LEPR: variants seen among roughly 807,000 people sequenced by gnomAD.
LEPR encodes the protein OB receptor.
In LEPR, 56 loss-of-function variants were observed where a neutral mutation model predicts 114.7. The ratio of observed to expected loss-of-function variants is 0.49; its 90% CI spans 0.39 to 0.61. The LOEUF (loss-of-function observed/expected upper bound fraction) is 0.61, where lower values mean the gene tolerates loss of function less well. Among genes scored for constraint, LEPR ranks in the 20% least tolerant of loss-of-function variants. LEPR has a pLI of 0.00. For missense variants in LEPR, 1,202 were observed against 1,352.9 expected, an observed-to-expected ratio of 0.89 and a Z score of 1.75; for synonymous variants, 443 against 461.4, an observed-to-expected ratio of 0.96 and a Z score of 0.51.
At chr1:65,455,400 C>T (rs1432908333) in intron 2 of LEPR, among the ~76,000 whole-genome samples, 2 of 152,182 alleles carry the variant, frequency 1.3e-5, no homozygotes, top group Non-Finnish European at 2.9e-5. Flanking sequence ...TGTTTTTCCC[C>T]ATCTTTGTGG....
At chr1:65,446,016 CACT>C (rs1200752087) in intron 2 of LEPR, among the ~76,000 whole-genome samples, 3 of 151,986 alleles carry the variant, frequency 2.0e-5, no homozygotes, top group Admixed American at 6.6e-5. Flanking sequence ...TGTGAGATAC[CACT>C]AAGTCAAATG....
chr1:65,464,466 G>A (rs1646984738), intron 2 of LEPR, among the ~76,000 whole-genome samples: 1 of 152,126 alleles, frequency 6.6e-6, no homozygotes, highest in South Asian at 2.1e-4. Context: ...TGTTCATGAG[G>A]GATATTGGCC....
intron 2 of LEPR, among the ~76,000 whole-genome samples, chr1:65,487,139 C>A (rs987280270): frequency 1.3e-5 from 2 of 152,152 alleles, no homozygotes; most frequent in Non-Finnish European, 2.9e-5. Context: ...GGAAAGTTTG[C>A]TCATTCACCC....
At chr1:65,539,233 AT>A (rs1221078659) in intron 2 of LEPR, among the ~76,000 whole-genome samples, 1 of 142,616 alleles carries the variant, frequency 7.0e-6, no homozygotes, top group Non-Finnish European at 1.5e-5. Context: ...GCCAATACTC[AT>A]TAAAGATTTG....
rs568299397 is a variant in LEPR at position 65,604,688 on chromosome 1, G to T, written c.1404-350G>T. ...ACCGGTACCTGTCTGTGGCCTCTTAGGAACCCGGCCACAAAGCGGGAGGTG... is the reference window on the plus strand; with the variant it reads ...ACCGGTACCTGTCTGTGGCCTCTTATGAACCCGGCCACAAAGCGGGAGGTG... On this transcript the variant is annotated intron_variant, in intron 10 of 19. Transcript: ENST00000349533. Among the ~76,000 whole-genome samples the T allele has an allele frequency of 3.2e-3, 482 of 152,338 alleles. 2 individuals are homozygous for T. Among genetic ancestry groups the T allele is most frequent in the African/African-American group, 0.011 (460 of 41,574 alleles).
At chr1:65,629,996 C>A (rs1047391558) in intron 19 of LEPR, among the ~76,000 whole-genome samples, 26 of 152,148 alleles carry the variant, frequency 1.7e-4, no homozygotes, top group African/African-American at 6.0e-4. Flanking sequence ...CGATAAGTCT[C>A]CATCTCTCCA....
chr1:65,595,471 AAC>A (rs1217549236), intron 6 of LEPR, among the ~76,000 whole-genome samples: 1 of 152,072 alleles, frequency 6.6e-6, no homozygotes, highest in African/African-American at 2.4e-5. Context: ...TGGTCATGGA[AAC>A]ACAGTAAATT....
At position 65,639,185 on chromosome 1, in the gene LEPR, C is replaced by T. The variant is rs1378161601; in HGVS notation, c.*2170C>T. 1 of 152,180 alleles carries T rather than the reference C, an allele frequency of 6.6e-6. No individual in the cohort carries two copies. The highest frequency in any genetic ancestry group is 1.5e-5 in the Non-Finnish European group (1 of 68,042). The allele number at this position is 152,180 out of a possible 1,614,324, so 9.4% of individuals were successfully genotyped here. On this transcript the variant is annotated 3_prime_UTR_variant, in exon 20 of 20. Coordinates refer to ENST00000349533, the MANE Select transcript of LEPR (RefSeq NM_002303.6). ...AGTGAATTCAACAGTCCCAGGACCA[C>T]TGTAGTGCTGTAGGTCTGTGTAAAG...
chr1:65,491,386 A>G (rs917416940), intron 2 of LEPR, among the ~76,000 whole-genome samples: 1 of 152,134 alleles, frequency 6.6e-6, no homozygotes, highest in Non-Finnish European at 1.5e-5. Flanking sequence ...TTGGGTTTAG[A>G]TTGTAAAACT....
chr1:65,464,462 T>G (rs1395681458), intron 2 of LEPR, among the ~76,000 whole-genome samples: 2 of 152,228 alleles, frequency 1.3e-5, no homozygotes, highest in Non-Finnish European at 2.9e-5. Context: ...TTGATGTTCA[T>G]GAGGGATATT....
chr1:65,471,140 T>C (rs903594266), intron 2 of LEPR, among the ~76,000 whole-genome samples: 2 of 152,210 alleles, frequency 1.3e-5, no homozygotes, highest in Admixed American at 1.3e-4. Flanking sequence ...TAAAAGTTTT[T>C]ATGTATTCTT....
chr1:65,585,669 A>G (rs970376301), intron 5 of LEPR, among the ~76,000 whole-genome samples: 1 of 152,042 alleles, frequency 6.6e-6, no homozygotes, highest in Non-Finnish European at 1.5e-5. Flanking sequence ...ATGTGTATGT[A>G]TACTGGTAAG....
intron 1 of LEPR, chr1:65,421,561 C>T: frequency 7.7e-7 from 1 of 1,307,158 alleles, no homozygotes; most frequent in Non-Finnish European, 1.1e-6. Flanking sequence ...AAGATATCCC[C>T]AGTTAACATC....
At chr1:65,451,072 C>T (rs1646778442) in intron 2 of LEPR, among the ~76,000 whole-genome samples, 1 of 151,650 alleles carries the variant, frequency 6.6e-6, no homozygotes, top group Non-Finnish European at 1.5e-5. Flanking sequence ...GCATAAATGT[C>T]TTCTTTTGAG....
At chr1:65,607,312 T>A (rs1007096121) in intron 11 of LEPR, among the ~76,000 whole-genome samples, 1 of 152,192 alleles carries the variant, frequency 6.6e-6, no homozygotes, top group Non-Finnish European at 1.5e-5. Flanking sequence ...ATCTCTCACT[T>A]TAGATTGTCC....
At chr1:65,438,736 T>G (rs1400165669) in intron 2 of LEPR, among the ~76,000 whole-genome samples, 1 of 152,170 alleles carries the variant, frequency 6.6e-6, no homozygotes, top group African/African-American at 2.4e-5. Context: ...TCTGTGTTTC[T>G]TCATTATCTG....
At chr1:65,533,654 A>G (rs1650557269) in intron 2 of LEPR, among the ~76,000 whole-genome samples, 1 of 151,972 alleles carries the variant, frequency 6.6e-6, no homozygotes. Flanking sequence ...GCTGCCTTCT[A>G]CATACTTCTT....
At chr1:65,558,180 G>A (rs1205403601) in intron 2 of LEPR, among the ~76,000 whole-genome samples, 2 of 152,074 alleles carry the variant, frequency 1.3e-5, no homozygotes, top group Non-Finnish European at 2.9e-5. Context: ...TCAAGAACAG[G>A]TAGCATAAAA....
At chr1:65,544,721 T>A (rs1651523457) in intron 2 of LEPR, among the ~76,000 whole-genome samples, 1 of 148,944 alleles carries the variant, frequency 6.7e-6, no homozygotes, top group South Asian at 2.1e-4. Flanking sequence ...TGCATATAAA[T>A]ATAATAGAAT....
Sources: allele counts gnomAD v4.1 joint callset (sites outside exome capture counted in the v4.1 genomes callset), GRCh38; gene constraint gnomAD v4.1.1; transcripts MANE v1.5; gene names NCBI Gene and HGNC (gene_info 2026-07-23, HGNC 2026-07-21).